Variants in WDR35 observed in about 807,000 individuals in gnomAD.
WDR35 encodes the protein WD repeat domain 35, also known as WD repeat-containing protein 35.
Under a neutral mutation model 158.3 loss-of-function variants are expected in WDR35, and 118 were observed. The observed-to-expected ratio is 0.75, with a 90% CI of 0.64 to 0.87. The LOEUF is 0.87. WDR35 is among the 40% of genes least tolerant of loss of function. WDR35 has a pLI of 0.00. For synonymous variants in WDR35, 448 were observed against 476.1 expected (o/e 0.94, Z 0.77); for missense variants, 1,263 against 1,405.8 (o/e 0.90, Z 1.62).
intron 17 of WDR35, among the ~76,000 whole-genome samples, 185 bp from the exon 18 acceptor site, chr2:19,938,586 CAAGT>C (rs1208594572): frequency 6.6e-6 from 1 of 151,996 alleles, no homozygotes; most frequent in African/African-American, 2.4e-5. Flanking sequence ...CCAAAACCCA[CAAGT>C]AAGTACCTCT....
chr2:19,936,368 A>G lies in WDR35; in HGVS notation c.2268-3T>C, dbSNP rs747959172. 1 of 1,613,936 alleles carries G rather than the reference A, an allele frequency of 6.2e-7. No homozygotes were observed. Among genetic ancestry groups the G allele is most frequent in the East Asian group, 2.2e-5 (1 of 44,882 alleles). On this transcript the variant is annotated splice_polypyrimidine_tract_variant and splice_region_variant and intron_variant, in intron 19 of 26. Transcript: ENST00000281405. ...GCCGGAGGCCAATAGCAAGATCCCT[A>G]CAAACAAAGGCATTCATTCATTCAT...
chr2:19,934,459 T>C lies in WDR35; in HGVS notation c.2548-948A>G, dbSNP rs189059339. 2.5e-4 allele frequency among the ~76,000 whole-genome samples: 38 copies of C among 152,184 alleles called. No homozygotes were observed. Among genetic ancestry groups the C allele is most frequent in the Admixed American group, 2.3e-3 (35 of 15,278 alleles). On this transcript the variant is annotated intron_variant, in intron 21 of 26. Transcript: ENST00000281405. This position sits in a 1 kb window ranked among gnomAD's most constrained non-coding sequence, Gnocchi z 4.6. ...TCCTGTATTTCCTACTTAAATATTA[T>C]GTACACCTTCCCATATTATTAAAAA... is the stretch of plus-strand genomic sequence containing the variant.
intron 8 of WDR35, among the ~76,000 whole-genome samples, chr2:19,969,899 C>T (rs1671983264): frequency 6.6e-6 from 1 of 152,068 alleles, no homozygotes; most frequent in African/African-American, 2.4e-5. Flanking sequence ...AGGCGCCCGC[C>T]ACCACGCCAA....
intron 11 of WDR35, among the ~76,000 whole-genome samples, chr2:19,959,638 G>C (rs1220107797): frequency 6.6e-6 from 1 of 151,750 alleles, no homozygotes; most frequent in African/African-American, 2.4e-5. Flanking sequence ...TCTCATATTT[G>C]CTATTATCAC....
chr2:19,972,594 T>C (rs1672065221), intron 8 of WDR35, among the ~76,000 whole-genome samples: 1 of 152,028 alleles, frequency 6.6e-6, no homozygotes, highest in Non-Finnish European at 1.5e-5. Flanking sequence ...CTACGAGAAA[T>C]ATTGTCGTTT....
chr2:19,931,315 T>C lies in WDR35; in HGVS notation c.2918A>G (p.Gln973Arg), dbSNP rs777825229. ...TTTTCCTCGCTGGGCATTCTTCATC[T>C]GTTCATGGTATTGCTCTATAAGTAA... is the stretch of plus-strand genomic sequence containing the variant. ...SALLIEQYHE[Q>R]MKNAQRGKVK... Residue 973 changes from glutamine to arginine, a missense_variant, in exon 24 of 27, where the codon CAG becomes CGG. Physicochemically the swap from Gln to Arg is conservative, Grantham distance 43. Transcript: ENST00000281405. The C allele has an allele frequency of 4.3e-6, 7 of 1,613,540 alleles. No individual in the cohort carries two copies. The highest frequency in any genetic ancestry group is 5.9e-6 in the Non-Finnish European group (7 of 1,179,730).
At chr2:19,931,720 A>G (rs150775896) in intron 23 of WDR35, among the ~76,000 whole-genome samples, 13 of 152,306 alleles carry the variant, frequency 8.5e-5, no homozygotes, top group African/African-American at 2.6e-4. Context: ...GGTATTTTCC[A>G]TAATACAGAG....
rs1671332637 is a variant in WDR35 at position 19,953,918 on chromosome 2, T to A, written c.1316A>T (p.Tyr439Phe). Residue 439 changes from tyrosine to phenylalanine, a missense_variant, in exon 12 of 27, where the codon TAT (tyrosine) becomes TTT (phenylalanine). Coordinates refer to ENST00000281405, the MANE Select transcript of WDR35 (RefSeq NM_020779.4). ...HVIAASKEAF[Y>F]TWQYRVAKKL... ...CTTTGCCACACGATATTGCCAGGTA[T>A]AAAATGCTTCTTTCGAGGCTGCTAT... The A allele has an allele frequency of 6.2e-7, 1 of 1,614,180 alleles. No individual in the cohort carries two copies. The highest frequency in any genetic ancestry group is 8.5e-7 in the Non-Finnish European group (1 of 1,180,012).
At chr2:19,957,699 C>T (rs1671494717) in intron 11 of WDR35, among the ~76,000 whole-genome samples, 1 of 151,814 alleles carries the variant, frequency 6.6e-6, no homozygotes, top group Admixed American at 6.6e-5. Flanking sequence ...ATTACAGGTG[C>T]ATGCCACCAT....
chr2:19,960,068 T>G (rs903757499), intron 11 of WDR35, among the ~76,000 whole-genome samples: 3 of 152,058 alleles, frequency 2.0e-5, no homozygotes, highest in African/African-American at 7.2e-5. Flanking sequence ...ATTAATAGAC[T>G]CATTTCATTA....
intron 1 of WDR35, 61 bp from the exon 2 acceptor site, chr2:19,989,343 G>T: frequency 7.2e-7 from 1 of 1,385,836 alleles, no homozygotes; most frequent in Non-Finnish European, 1.0e-6. Flanking sequence ...AAGTAAGTCT[G>T]CAGGAGATGA....
intron 16 of WDR35, among the ~76,000 whole-genome samples, chr2:19,944,727 T>C (rs902755170): frequency 6.6e-6 from 1 of 152,110 alleles, no homozygotes; most frequent in Non-Finnish European, 1.5e-5. Context: ...TAACAGAGCC[T>C]TTGAGAGCAC....
At chr2:19,939,751 T>C (rs1173368834) in intron 17 of WDR35, among the ~76,000 whole-genome samples, 1 of 152,120 alleles carries the variant, frequency 6.6e-6, no homozygotes, top group Admixed American at 6.5e-5. Flanking sequence ...GAATTCTATA[T>C]AATTCTGCCA....
chr2:19,940,906 G>A (rs1208759837), intron 17 of WDR35, among the ~76,000 whole-genome samples: 3 of 152,150 alleles, frequency 2.0e-5, no homozygotes, highest in South Asian at 4.2e-4. Context: ...TGTCCCTATG[G>A]TATCATCAAT....
chr2:19,924,325 G>T (rs927947496), intron 25 of WDR35, among the ~76,000 whole-genome samples: 1 of 152,130 alleles, frequency 6.6e-6, no homozygotes, highest in Non-Finnish European at 1.5e-5. Flanking sequence ...AGCACTTTGG[G>T]AGGCTGAGGG....
At chr2:19,952,820 G>A (rs372234538) in intron 12 of WDR35, among the ~76,000 whole-genome samples, 1 of 116,114 alleles carries the variant, frequency 8.6e-6, no homozygotes, top group Non-Finnish European at 1.6e-5. Context: ...ACGGAGTCTC[G>A]CTCTGTCGCC....
In WDR35 at chr2:19,912,364, A is replaced by G. The variant is rs1669864943; in HGVS notation, c.*1194T>C. 6.6e-6 allele frequency: 1 copy of G among 152,174 alleles called. No individual in the cohort carries two copies. The highest frequency in any genetic ancestry group is 2.1e-4 in the South Asian group (1 of 4,826). 9.4% of individuals were successfully genotyped at this position (152,174 alleles called of 1,614,324 possible). A position where few individuals can be genotyped will look rare whatever the true frequency, so the allele number is the denominator to read the frequency against. ...CGCATGAATAGAGACAGAGACCTCA[A>G]AGACTTCTGGTCTTCTCTTTTTATT... On this transcript the variant is annotated 3_prime_UTR_variant, in exon 27 of 27. Coordinates refer to ENST00000281405, the MANE Select transcript of WDR35 (RefSeq NM_020779.4).
At chr2:19,964,381 C>CTTTTTTTTTTT (rs558586617) in intron 10 of WDR35, among the ~76,000 whole-genome samples, 327 of 113,428 alleles carry the variant, frequency 2.9e-3, no homozygotes, top group Middle Eastern at 5.4e-3. Context: ...CTTTTCTTTT[C>CTTTTTTTTTTT]TTTTTTTTTT....
intron 13 of WDR35, among the ~76,000 whole-genome samples, chr2:19,948,662 T>C (rs531261842): frequency 6.6e-6 from 1 of 152,318 alleles, no homozygotes; most frequent in Admixed American, 6.5e-5. Context: ...CTCTAGGGCA[T>C]TACGCTTAGT....
Sources: gnomAD v4.1 joint callset for allele counts (sites outside exome capture counted in the v4.1 genomes callset) on GRCh38, gnomAD v4.1.1 for gene constraint, Gnocchi (gnomAD v3.1) non-coding constraint, MANE v1.5 for transcripts, NCBI Gene and HGNC (gene_info 2026-07-23, HGNC 2026-07-21) for gene names.